Variants in PRKCE observed in about 807,000 individuals in gnomAD.
The protein encoded by PRKCE is protein kinase C epsilon, also known as protein kinase C epsilon type.
In PRKCE, 16 loss-of-function variants were observed where a neutral mutation model predicts 85.4. The observed-to-expected ratio is 0.19, with a 90% CI of 0.13 to 0.28. The LOEUF (loss-of-function observed/expected upper bound fraction) is 0.28. PRKCE is among the 10% of genes least tolerant of loss of function. PRKCE has a pLI of 1.00. For missense variants in PRKCE, 573 were observed against 975.2 expected (o/e 0.59, Z 5.49); for synonymous variants, 388 against 371.5 (o/e 1.04, Z -0.51).
intron 2 of PRKCE, among the ~76,000 whole-genome samples, chr2:45,945,467 C>T (rs551711275): frequency 3.3e-5 from 5 of 152,214 alleles, no homozygotes; most frequent in South Asian, 4.1e-4. Context: ...ATGAGGGATC[C>T]GCCCTGTGAC....
intron 1 of PRKCE, among the ~76,000 whole-genome samples, chr2:45,797,042 C>G (rs1687493533): frequency 6.6e-6 from 1 of 152,170 alleles, no homozygotes; most frequent in South Asian, 2.1e-4. Context: ...GGGTGAATCC[C>G]TAGGAGTGTC....
intron 2 of PRKCE, among the ~76,000 whole-genome samples, chr2:45,865,710 T>G (rs1693537923): frequency 6.6e-6 from 1 of 152,162 alleles, no homozygotes; most frequent in Non-Finnish European, 1.5e-5. Flanking sequence ...CTCACAATAT[T>G]GGAAGCAGAG....
chr2:46,087,575 T>C (rs978542291), intron 11 of PRKCE, among the ~76,000 whole-genome samples: 3 of 152,248 alleles, frequency 2.0e-5, no homozygotes, highest in Non-Finnish European at 4.4e-5. Flanking sequence ...AAGTCCATAC[T>C]TCCTAGCCTG....
chr2:45,851,078 T>A (rs951702798), intron 2 of PRKCE, among the ~76,000 whole-genome samples: 2 of 152,220 alleles, frequency 1.3e-5, no homozygotes, highest in Non-Finnish European at 2.9e-5. Flanking sequence ...TTGCAGGCTC[T>A]GCTGTGAGTA....
At chr2:45,681,055 C>T (rs896961404) in intron 1 of PRKCE, among the ~76,000 whole-genome samples, 1 of 151,934 alleles carries the variant, frequency 6.6e-6, no homozygotes, top group African/African-American at 2.4e-5. Flanking sequence ...CTTTGGGAGG[C>T]CGAGGTGGGT....
rs140964008 is a variant in PRKCE at position 46,101,379 on chromosome 2, C to T, written c.1592+15017C>T. Among the ~76,000 whole-genome samples the T allele has an allele frequency of 6.4e-4, 97 of 152,232 alleles. No homozygotes were observed. In the East Asian group the frequency reaches 0.014, roughly 23 times the overall value. On this transcript the variant is annotated intron_variant, in intron 11 of 14. Coordinates refer to ENST00000306156, the MANE Select transcript of PRKCE (RefSeq NM_005400.3). ...GCTTTCTGGAGGAAGTGACCACTCC[C>T]GGAGAGATCCAATGGGCTAAGTAAG...
At chr2:45,751,165 G>A (rs1683527862) in intron 1 of PRKCE, among the ~76,000 whole-genome samples, 1 of 152,068 alleles carries the variant, frequency 6.6e-6, no homozygotes. Flanking sequence ...CACCATCACT[G>A]GCAAAGCTGT....
At chr2:46,167,690 T>G (rs1289372513) in intron 14 of PRKCE, 1 of 152,212 alleles carries the variant, frequency 6.6e-6, no homozygotes, top group African/African-American at 2.4e-5. Context: ...TTCCCAGCCC[T>G]TTTTGCCTCT....
chr2:45,860,844 T>G (rs1277970018), intron 2 of PRKCE, among the ~76,000 whole-genome samples: 1 of 152,098 alleles, frequency 6.6e-6, no homozygotes, highest in Non-Finnish European at 1.5e-5. Context: ...CAGTGGAACA[T>G]CTGGAAAGCC....
intron 1 of PRKCE, among the ~76,000 whole-genome samples, chr2:45,800,237 C>T (rs60059588): frequency 6.6e-6 from 1 of 152,162 alleles, no homozygotes; most frequent in African/African-American, 2.4e-5. Flanking sequence ...GCTGGGTCAG[C>T]TGGGGGTCAG....
intron 2 of PRKCE, among the ~76,000 whole-genome samples, chr2:45,848,212 CTCTTT>C (rs1281643071): frequency 1.3e-5 from 2 of 152,218 alleles, no homozygotes; most frequent in Non-Finnish European, 1.5e-5. Context: ...AGAATTTTAC[CTCTTT>C]TCTTCTAAAT....
chr2:45,735,995 C>A (rs891635660), intron 1 of PRKCE, among the ~76,000 whole-genome samples: 9 of 152,122 alleles, frequency 5.9e-5, no homozygotes, highest in Admixed American at 5.9e-4. Flanking sequence ...GAGAGTCTCA[C>A]CGTCACCCAG....
chr2:46,121,502 C>T (rs1043713548), intron 11 of PRKCE, among the ~76,000 whole-genome samples: 2 of 152,156 alleles, frequency 1.3e-5, no homozygotes, highest in East Asian at 3.8e-4. Flanking sequence ...CAACTCCCTG[C>T]CCAGTCTGTA....
At chr2:46,021,473 A>G (rs948435365) in intron 10 of PRKCE, among the ~76,000 whole-genome samples, 2 of 152,166 alleles carry the variant, frequency 1.3e-5, no homozygotes, top group Non-Finnish European at 2.9e-5. Flanking sequence ...GGAAGCACTG[A>G]CGTGGCCATT....
At chr2:45,785,664 G>A (rs1686545936) in intron 1 of PRKCE, among the ~76,000 whole-genome samples, 1 of 152,130 alleles carries the variant, frequency 6.6e-6, no homozygotes, top group Non-Finnish European at 1.5e-5. Context: ...TCTTCTGACT[G>A]GGCATCACTC....
At chr2:46,075,535 G>C (rs1367890969) in intron 10 of PRKCE, among the ~76,000 whole-genome samples, 4 of 151,848 alleles carry the variant, frequency 2.6e-5, no homozygotes, top group African/African-American at 9.7e-5. Context: ...GAGTCTAGGA[G>C]TTTGAGACCA....
chr2:46,146,162 C>T (rs61759980), intron 12 of PRKCE, among the ~76,000 whole-genome samples: 4,442 of 152,302 alleles, frequency 0.029, 108 homozygotes, highest in Non-Finnish European at 0.046. Context: ...TTGCCTTATT[C>T]CTGCCCAAAC....
chr2:45,680,673 T>C (rs950076496), intron 1 of PRKCE, among the ~76,000 whole-genome samples: 1 of 152,250 alleles, frequency 6.6e-6, no homozygotes. Flanking sequence ...TGCTGTTAAA[T>C]GGTCTTTAAG....
At chr2:46,131,976 TTTA>T (rs1243490619) in intron 11 of PRKCE, among the ~76,000 whole-genome samples, 1 of 152,030 alleles carries the variant, frequency 6.6e-6, no homozygotes, top group Non-Finnish European at 1.5e-5. Flanking sequence ...AATTATTATT[TTTA>T]TTATTATTAT....
Sources: gnomAD v4.1 joint callset for allele counts (sites outside exome capture counted in the v4.1 genomes callset) on GRCh38, gnomAD v4.1.1 for gene constraint, MANE v1.5 for transcripts, NCBI Gene and HGNC (gene_info 2026-07-23, HGNC 2026-07-21) for gene names.